TAFA5: variants seen among roughly 807,000 people sequenced by gnomAD.
The protein encoded by TAFA5 is chemokine-like protein TAFA-5.
TAFA5 carries 6 observed loss-of-function variants against 15.3 expected under a neutral mutation model. The ratio of observed to expected loss-of-function variants is 0.39; its 90% CI spans 0.21 to 0.77. The LOEUF (loss-of-function observed/expected upper bound fraction) is 0.77, where lower values mean the gene tolerates loss of function less well. TAFA5 is among the 30% of genes least tolerant of loss of function. The pLI is 0.41. For synonymous variants in TAFA5, 103 were observed against 80.7 expected (o/e 1.28, Z -1.48); for missense variants, 161 against 193.1 (o/e 0.83, Z 0.98).
chr22:48,503,058 C>A (rs939528318), intron 1 of TAFA5, among the ~76,000 whole-genome samples: 1 of 152,310 alleles, frequency 6.6e-6, no homozygotes, highest in East Asian at 1.9e-4. Flanking sequence ...CTCTTCCATG[C>A]AGTCATCTGT....
intron 1 of TAFA5, among the ~76,000 whole-genome samples, chr22:48,571,271 C>CTTTTTTTT (rs869050468): frequency 6.1e-5 from 6 of 97,712 alleles, no homozygotes; most frequent in East Asian, 3.1e-4. Flanking sequence ...TTGTTGTTTG[C>CTTTTTTTT]TTTTTTTTTT....
intron 1 of TAFA5, among the ~76,000 whole-genome samples, chr22:48,535,931 A>C (rs75497657): frequency 0.026 from 4,002 of 152,332 alleles, 286 homozygotes; most frequent in East Asian, 0.24. Flanking sequence ...AGGTGTGAGC[A>C]CACTGCACAC....
chr22:48,687,942 G>A (rs1928415518), intron 2 of TAFA5, among the ~76,000 whole-genome samples: 3 of 151,970 alleles, frequency 2.0e-5, no homozygotes, highest in African/African-American at 7.3e-5. Context: ...TGCCTCTCCT[G>A]TCTTCTCTCT....
chr22:48,604,961 A>C (rs531539375), intron 1 of TAFA5, among the ~76,000 whole-genome samples: 1 of 151,704 alleles, frequency 6.6e-6, no homozygotes, highest in South Asian at 2.1e-4. Context: ...GAATATGATG[A>C]GGGTAATGAG....
intron 1 of TAFA5, among the ~76,000 whole-genome samples, chr22:48,572,563 T>C (rs1923626392): frequency 6.6e-6 from 1 of 152,236 alleles, no homozygotes; most frequent in Non-Finnish European, 1.5e-5. Context: ...CCCTGGTTTT[T>C]TCTTAGACCT....
intron 2 of TAFA5, among the ~76,000 whole-genome samples, chr22:48,674,309 C>T (rs115279346): frequency 7.9e-5 from 12 of 152,004 alleles, no homozygotes; most frequent in South Asian, 6.3e-4. Flanking sequence ...AGCCAGAACT[C>T]GGGGCTCCCC....
Position 48,742,920 on chromosome 22 carries a change from C to T in TAFA5, c.391-6919C>T, listed in dbSNP as rs952652631. Among the ~76,000 whole-genome samples, 9 of 152,170 alleles carry T rather than the reference C, an allele frequency of 5.9e-5. No individual in the cohort carries two copies. The highest frequency in any genetic ancestry group is 1.9e-4 in the African/African-American group (8 of 41,438). On this transcript the variant is annotated intron_variant, in intron 3 of 3. Transcript: ENST00000402357. The surrounding 1 kb of genome is among the most constrained non-coding windows in gnomAD (Gnocchi z 6.2). Reference sequence around the variant, plus strand: ...GCCCACACGCGGGGCCCCCACAGTGCGGACATGTTGGGGCAATGCTGCCTG... The same window carrying T: ...GCCCACACGCGGGGCCCCCACAGTGTGGACATGTTGGGGCAATGCTGCCTG...
intron 1 of TAFA5, among the ~76,000 whole-genome samples, chr22:48,613,193 G>A (rs1446655882): frequency 2.0e-5 from 3 of 152,194 alleles, no homozygotes; most frequent in African/African-American, 7.2e-5. Context: ...GCTGTTCTGA[G>A]TCACGCCGTA....
chr22:48,666,671 C>T (rs375178154), intron 2 of TAFA5, among the ~76,000 whole-genome samples: 3 of 152,206 alleles, frequency 2.0e-5, no homozygotes, highest in African/African-American at 7.2e-5. Context: ...TATGCAGTGC[C>T]AGGAATCCCC....
intron 1 of TAFA5, among the ~76,000 whole-genome samples, chr22:48,542,159 GGT>G (rs755394096): frequency 8.2e-6 from 1 of 121,310 alleles, no homozygotes; most frequent in Non-Finnish European, 1.7e-5. Context: ...GGGTGTGGGG[GGT>G]GTGTGTGCAT....
intron 1 of TAFA5, among the ~76,000 whole-genome samples, chr22:48,637,012 C>A (rs746916415): frequency 1.3e-5 from 2 of 152,322 alleles, no homozygotes; most frequent in East Asian, 3.9e-4. Context: ...CCGGGCTTGC[C>A]AGATGATGTG....
intron 1 of TAFA5, among the ~76,000 whole-genome samples, chr22:48,518,366 G>A (rs1921487689): frequency 2.0e-5 from 3 of 152,150 alleles, no homozygotes. Flanking sequence ...GTCCTTCCAG[G>A]CCTGGACAAA....
intron 1 of TAFA5, among the ~76,000 whole-genome samples, chr22:48,491,111 C>T (rs954667812): frequency 6.6e-6 from 1 of 152,216 alleles, no homozygotes; most frequent in South Asian, 2.1e-4. Flanking sequence ...CCCAGGCAGA[C>T]GAGGCCACCG....
intron 1 of TAFA5, among the ~76,000 whole-genome samples, chr22:48,578,473 C>A (rs942870615): frequency 1.3e-5 from 2 of 152,294 alleles, no homozygotes; most frequent in South Asian, 2.1e-4. Flanking sequence ...GCAGGCCTCG[C>A]TTAGTGGAGT....
chr22:48,524,188 G>A (rs1018568187), intron 1 of TAFA5, among the ~76,000 whole-genome samples: 9 of 152,236 alleles, frequency 5.9e-5, no homozygotes, highest in Admixed American at 4.6e-4. Context: ...CGCTTCCAAC[G>A]CTGACCTCAG....
At chr22:48,514,982 G>A (rs2147103677) in intron 1 of TAFA5, among the ~76,000 whole-genome samples, 2 of 152,390 alleles carry the variant, frequency 1.3e-5, no homozygotes, top group East Asian at 3.9e-4. Flanking sequence ...GGGCCTCCCA[G>A]CCAGCAAGTG....
At chr22:48,595,065 T>C (rs1327439912) in intron 1 of TAFA5, among the ~76,000 whole-genome samples, 1 of 152,150 alleles carries the variant, frequency 6.6e-6, no homozygotes, top group African/African-American at 2.4e-5. Flanking sequence ...GCCTTGAGCC[T>C]GTGACCGGGT....
At chr22:48,518,235 G>C (rs1921483553) in intron 1 of TAFA5, among the ~76,000 whole-genome samples, 4 of 152,194 alleles carry the variant, frequency 2.6e-5, no homozygotes, top group Admixed American at 2.0e-4. Context: ...CTGGACCTGG[G>C]GTTTCAGACC....
chr22:48,533,068 C>T (rs1163831342), intron 1 of TAFA5, among the ~76,000 whole-genome samples: 2 of 152,064 alleles, frequency 1.3e-5, no homozygotes, highest in Non-Finnish European at 2.9e-5. Context: ...CAGGTGCGGG[C>T]GGAGGTTCCC....
Sources: gnomAD v4.1 joint callset for allele counts (sites outside exome capture counted in the v4.1 genomes callset) on GRCh38, gnomAD v4.1.1 for gene constraint, Gnocchi (gnomAD v3.1) non-coding constraint, MANE v1.5 for transcripts, NCBI Gene and HGNC (gene_info 2026-07-23, HGNC 2026-07-21) for gene names.